The following LEMD1 variants were observed in gnomAD, a reference collection of about 807,000 sequenced individuals.
LEMD1 encodes the protein LEM domain containing 1.
Under a neutral mutation model 17.4 loss-of-function variants are expected in LEMD1, and 18 were observed. The observed-to-expected ratio is 1.04, with a 90% CI of 0.72 to 1.54. The LOEUF (loss-of-function observed/expected upper bound fraction) is 1.54. LEMD1 is among the 40% of genes most tolerant of loss of function. The pLI is 0.00. For missense variants in LEMD1, 195 were observed against 210.4 expected, an observed-to-expected ratio of 0.93 and a Z score of 0.45; for synonymous variants, 88 against 77.8, an observed-to-expected ratio of 1.13 and a Z score of -0.69.
intron 1 of LEMD1, chr1:205,440,565 G>A (rs1272630678): frequency 6.6e-6 from 1 of 152,278 alleles, no homozygotes; most frequent in Non-Finnish European, 1.5e-5. Flanking sequence ...CATGCCTCAT[G>A]CGGTTACCCT....
At position 205,419,229 on chromosome 1, in the gene LEMD1, C is replaced by A. The variant is rs1260551122; in HGVS notation, c.205+1G>T. 6.2e-7 allele frequency: 1 copy of A among 1,613,906 alleles called. No individual in the cohort carries two copies. The highest frequency in any genetic ancestry group is 8.5e-7 in the Non-Finnish European group (1 of 1,179,912). On this transcript the variant is annotated splice_donor_variant, in intron 3 of 5. Coordinates refer to ENST00000367153, the MANE Select transcript of LEMD1 (RefSeq NM_001199050.2). LOFTEE classifies it high-confidence loss of function. ...TCTAGCAGTACAGCTTATGGCGGTACCTTCGCTGTCATCACTGTCCTGCGC... is the reference window on the plus strand; with the variant it reads ...TCTAGCAGTACAGCTTATGGCGGTAACTTCGCTGTCATCACTGTCCTGCGC...
At chr1:205,424,517 G>A (rs1266109556), upstream of LEMD1, among the ~76,000 whole-genome samples, 1 of 152,180 alleles carries the variant, frequency 6.6e-6, no homozygotes, top group Non-Finnish European at 1.5e-5. Flanking sequence ...AAAAGCTATA[G>A]CCCCTCTTTC....
At chr1:205,427,917 C>T (rs1666078096) in intron 1 of LEMD1, among the ~76,000 whole-genome samples, 1 of 152,188 alleles carries the variant, frequency 6.6e-6, no homozygotes, top group South Asian at 2.1e-4. Flanking sequence ...TGGAAACAAA[C>T]AACTGTTCCA....
chr1:205,436,489 A>C lies in LEMD1; in HGVS notation c.-39+13379T>G, dbSNP rs370818007. 2.9e-5 allele frequency: 4 copies of C among 139,120 alleles called. No individual in the cohort carries two copies. In the South Asian group the frequency reaches 1.0e-3, roughly 36 times the overall value. The allele number at this position is 139,120 out of a possible 1,614,324, so 8.6% of individuals were successfully genotyped here. ...GGACTGGCCACAATAACCCCGGCAC[A>C]GTGGGCACTGACCACTCCAGGGATG... is the stretch of plus-strand genomic sequence containing the variant. On this transcript the variant is annotated intron_variant, in intron 1 of 3. Transcript: ENST00000367154.
intron 1 of LEMD1, chr1:205,436,328 C>G (rs1666203748): frequency 1.3e-5 from 2 of 152,180 alleles, no homozygotes; most frequent in Non-Finnish European, 2.9e-5. Flanking sequence ...CCAGGGATGC[C>G]CTGGGCAGCT....
upstream of LEMD1, among the ~76,000 whole-genome samples, chr1:205,422,426 A>C (rs1440571212): frequency 6.6e-6 from 1 of 152,238 alleles, no homozygotes; most frequent in Non-Finnish European, 1.5e-5. Flanking sequence ...AAAATAGGAA[A>C]GCGGAAGAAA....
At chr1:205,447,432 G>A (rs576972452) in intron 1 of LEMD1, among the ~76,000 whole-genome samples, 86 of 152,274 alleles carry the variant, frequency 5.6e-4, no homozygotes, top group Non-Finnish European at 1.1e-3. Flanking sequence ...AGTGCTTTCT[G>A]TGATTCTTCA....
intron 4 of LEMD1, among the ~76,000 whole-genome samples, chr1:205,389,579 T>C (rs1010068392): frequency 2.6e-5 from 4 of 152,192 alleles, no homozygotes; most frequent in African/African-American, 9.7e-5. Flanking sequence ...TCCTTACCGC[T>C]GGACTTGGAG....
chr1:205,407,182 TAGCC>T (rs1665154096), intron 4 of LEMD1, among the ~76,000 whole-genome samples: 1 of 151,860 alleles, frequency 6.6e-6, no homozygotes, highest in Non-Finnish European at 1.5e-5. Flanking sequence ...ATATAAAAAT[TAGCC>T]AGGTGTGGCA....
intron 4 of LEMD1, among the ~76,000 whole-genome samples, chr1:205,400,253 A>C (rs1368340065): frequency 6.6e-6 from 1 of 152,108 alleles, no homozygotes; most frequent in African/African-American, 2.4e-5. Context: ...TGTAGAGAAG[A>C]GGTCTCACTA....
At chr1:205,427,587 GA>G (rs1384107810) in intron 1 of LEMD1, among the ~76,000 whole-genome samples, 2 of 152,110 alleles carry the variant, frequency 1.3e-5, no homozygotes, top group Non-Finnish European at 1.5e-5. Flanking sequence ...GCAATGTCAT[GA>G]AATAGGAGAC....
At chr1:205,391,465 A>G (rs1664329681) in intron 4 of LEMD1, among the ~76,000 whole-genome samples, 1 of 152,210 alleles carries the variant, frequency 6.6e-6, no homozygotes, top group African/African-American at 2.4e-5. Flanking sequence ...AAAAGCCAAA[A>G]GACAAGGAAA....
At chr1:205,445,652 C>T (rs1187690474) in intron 1 of LEMD1, among the ~76,000 whole-genome samples, 1 of 152,190 alleles carries the variant, frequency 6.6e-6, no homozygotes, top group Non-Finnish European at 1.5e-5. Context: ...TTCTTGGGAG[C>T]TGGAGAGGTC....
In LEMD1 at chr1:205,416,237, T is replaced by G; in HGVS notation, c.265A>C (p.Lys89Gln). Residue 89 changes from lysine (K) to glutamine (Q), a missense_variant, in exon 4 of 6, where the codon AAA becomes CAA. Transcript: ENST00000367153. ...ILSTEKSKKL[K>Q]KWPEASTTKR... is the part of the protein sequence containing the mutation. ...GGCATTAGAATGGTACATACTTTTTTGAGTTTCTTGCTTTTTTCTGTTGAG... is the reference window on the plus strand; with the variant it reads ...GGCATTAGAATGGTACATACTTTTTGGAGTTTCTTGCTTTTTTCTGTTGAG... 6.5e-7 allele frequency: 1 copy of G among 1,539,548 alleles called. No homozygotes were observed. The highest frequency in any genetic ancestry group is 8.8e-7 in the Non-Finnish European group (1 of 1,137,168).
intron 4 of LEMD1, among the ~76,000 whole-genome samples, chr1:205,384,661 T>C (rs1327889682): frequency 1.3e-5 from 2 of 152,228 alleles, no homozygotes; most frequent in Non-Finnish European, 2.9e-5. Flanking sequence ...CTATTTTGCT[T>C]CTTTATTTGT....
At chr1:205,438,122 C>T (rs1304139863) in intron 1 of LEMD1, among the ~76,000 whole-genome samples, 2 of 152,174 alleles carry the variant, frequency 1.3e-5, no homozygotes, top group Non-Finnish European at 2.9e-5. Flanking sequence ...GCACCCTTCA[C>T]ACTTCTTGAT....
intron 4 of LEMD1, among the ~76,000 whole-genome samples, chr1:205,411,093 AAAGAAAAAAG>A (rs1665376570): frequency 1.7e-3 from 29 of 17,200 alleles, no homozygotes; most frequent in African/African-American, 2.5e-3. Flanking sequence ...GAAAAAGAAG[AAAGAAAAAAG>A]AAAGAAAGGA....
chr1:205,427,100 A>G (rs1338611078), intron 1 of LEMD1, among the ~76,000 whole-genome samples: 1 of 151,960 alleles, frequency 6.6e-6, no homozygotes, highest in Non-Finnish European at 1.5e-5. Flanking sequence ...GGATTTTTGT[A>G]TCACTGCCTC....
intron 4 of LEMD1, among the ~76,000 whole-genome samples, chr1:205,393,630 C>T (rs772325061): frequency 6.6e-6 from 1 of 151,068 alleles, no homozygotes; most frequent in South Asian, 2.1e-4. Flanking sequence ...GAGCCGAGAT[C>T]GTGCCACTGC....
Sources: gnomAD v4.1 joint callset for allele counts (sites outside exome capture counted in the v4.1 genomes callset) on GRCh38, gnomAD v4.1.1 for gene constraint, MANE v1.5 for transcripts, NCBI Gene and HGNC (gene_info 2026-07-23, HGNC 2026-07-21) for gene names.